LRRC8C: variants seen among roughly 807,000 people sequenced by gnomAD.
LRRC8C encodes the protein volume-regulated anion channel subunit LRRC8C.
LRRC8C carries 20 observed loss-of-function variants against 55.3 expected under a neutral mutation model. That is an observed-to-expected ratio of 0.36 (90% CI 0.25 to 0.53). The LOEUF is 0.53. Ranked by LOEUF, LRRC8C falls within the 20% of genes least tolerant of loss-of-function variation. LRRC8C has a pLI of 0.92. For synonymous variants in LRRC8C, 376 were observed against 360.7 expected (o/e 1.04, Z -0.48); for missense variants, 659 against 951.4 (o/e 0.69, Z 4.04).
At chr1:89,685,150 CCAG>C (rs1303982706) in intron 1 of LRRC8C, among the ~76,000 whole-genome samples, 27 of 148,432 alleles carry the variant, frequency 1.8e-4, no homozygotes, top group East Asian at 5.9e-4. Flanking sequence ...ACTCTGTCGC[CCAG>C]CAGGCCGGAC....
intron 2 of LRRC8C, chr1:89,708,696 T>G (rs1658559927): frequency 6.6e-6 from 1 of 152,274 alleles, no homozygotes; most frequent in Non-Finnish European, 1.5e-5. Context: ...ATTGCAGTGT[T>G]CAGAAATACA....
upstream of LRRC8C, chr1:89,632,133 G>A (rs1656124231): frequency 6.6e-6 from 1 of 152,116 alleles, no homozygotes; most frequent in South Asian, 2.1e-4. Context: ...TAATCTTGTC[G>A]GTACATTTTT....
chr1:89,686,692 GA>G, intron 2 of LRRC8C, 81 bp downstream of exon 2: 1 of 1,494,980 alleles, frequency 6.7e-7, no homozygotes, highest in Non-Finnish European at 9.1e-7. Flanking sequence ...CTGGCTGTGT[GA>G]TTTTTAACCA....
chr1:89,686,549 G>A lies in LRRC8C; in HGVS notation c.76G>A (p.Val26Met), dbSNP rs1268614001. Residue 26 changes from valine to methionine, a missense_variant, in exon 2 of 3, where the codon GTG (valine) becomes ATG (methionine). By Grantham distance (21) the Val-to-Met change is conservative (BLOSUM62 1). Transcript: ENST00000370454. ...CCGAGTGCTGAAGCCATGGTGGGAT[G>A]TGTTTACCGATTACCTCTCAGTAGC... ...AFRVLKPWWD[V>M]FTDYLSVAML... The A allele has an allele frequency of 6.2e-7, 1 of 1,614,096 alleles. No homozygotes were observed. Among genetic ancestry groups the A allele is most frequent in the African/African-American group, 1.3e-5 (1 of 74,934 alleles).
In LRRC8C at chr1:89,711,063, A is replaced by G. The variant is rs1274435201; in HGVS notation, c.139-1646A>G. Among the ~76,000 whole-genome samples, 3 of 152,236 alleles carry G rather than the reference A, an allele frequency of 2.0e-5. No homozygotes were observed. The East Asian group carries it at 5.8e-4, about 29-fold the overall frequency. ...CGGTCAGCTGCATATTAAGCATAACAGAAGTTTGCTGCTGTCATCACTATA... is the reference window on the plus strand; with the variant it reads ...CGGTCAGCTGCATATTAAGCATAACGGAAGTTTGCTGCTGTCATCACTATA... On this transcript the variant is annotated intron_variant, in intron 2 of 2. Coordinates refer to ENST00000370454, the MANE Select transcript of LRRC8C (RefSeq NM_032270.5).
chr1:89,616,861 T>A, the LRRC8C span, among the ~76,000 whole-genome samples: 3 of 152,242 alleles, frequency 2.0e-5, no homozygotes, highest in African/African-American at 7.2e-5. Context: ...TATGAATACC[T>A]ACTCCTCAGG....
At chr1:89,677,679 G>T (rs912604997) in intron 1 of LRRC8C, among the ~76,000 whole-genome samples, 12 of 152,166 alleles carry the variant, frequency 7.9e-5, no homozygotes, top group Admixed American at 5.2e-4. Context: ...ATAAAGTAAG[G>T]GGTCTGGACT....
the LRRC8C span, among the ~76,000 whole-genome samples, chr1:89,618,274 G>C: frequency 6.6e-6 from 1 of 152,160 alleles, no homozygotes; most frequent in Admixed American, 6.5e-5. Flanking sequence ...GGAATGCAGA[G>C]GGTTTTAAAA....
intron 2 of LRRC8C, among the ~76,000 whole-genome samples, chr1:89,699,854 T>A (rs1256680964): frequency 6.6e-6 from 1 of 152,208 alleles, no homozygotes; most frequent in Non-Finnish European, 1.5e-5. Context: ...GCCTTTTCAG[T>A]TCCTTTTCAT....
intron 1 of LRRC8C, among the ~76,000 whole-genome samples, chr1:89,672,538 A>G (rs976635748): frequency 2.0e-5 from 3 of 152,242 alleles, no homozygotes; most frequent in African/African-American, 7.2e-5. Context: ...GCTTTCAAAG[A>G]CACCGCATCT....
At chr1:89,632,696 C>A (rs896450306), upstream of LRRC8C, 2 of 152,366 alleles carry the variant, frequency 1.3e-5, no homozygotes, top group African/African-American at 4.8e-5. Context: ...ACGCTGCGCG[C>A]ACAGCCGCCT....
intron 1 of LRRC8C, among the ~76,000 whole-genome samples, chr1:89,681,741 C>T (rs938341354): frequency 5.9e-5 from 9 of 152,098 alleles, no homozygotes; most frequent in Non-Finnish European, 1.2e-4. Context: ...CAGGTCCCTC[C>T]GATGACACAG....
intron 1 of LRRC8C, among the ~76,000 whole-genome samples, chr1:89,662,982 C>A (rs1042088054): frequency 3.9e-5 from 6 of 152,140 alleles, no homozygotes; most frequent in African/African-American, 1.4e-4. Flanking sequence ...AGCCTCCCAT[C>A]CCCTGACAGG....
At chr1:89,698,899 A>G (rs1046108268) in intron 2 of LRRC8C, among the ~76,000 whole-genome samples, 7 of 152,040 alleles carry the variant, frequency 4.6e-5, no homozygotes, top group Non-Finnish European at 1.5e-5. Flanking sequence ...ACAGTGTGTT[A>G]TTTCCTGGCC....
At chr1:89,623,855 A>G in the LRRC8C span, among the ~76,000 whole-genome samples, 63 of 152,362 alleles carry the variant, frequency 4.1e-4, no homozygotes, top group South Asian at 4.1e-3. Context: ...CACCTAGTAG[A>G]GAGGAAAAAG....
At chr1:89,634,831 T>C (rs1451647839) in intron 1 of LRRC8C, among the ~76,000 whole-genome samples, 1 of 152,200 alleles carries the variant, frequency 6.6e-6, no homozygotes, top group Non-Finnish European at 1.5e-5. Context: ...TGGTTTGCTT[T>C]ACTCTGGAGT....
At chr1:89,654,433 C>T (rs6661282) in intron 1 of LRRC8C, among the ~76,000 whole-genome samples, 77,857 of 152,044 alleles carry the variant, frequency 0.51, 20,743 homozygotes, top group East Asian at 0.79. Flanking sequence ...AGAGAAATGT[C>T]TACTAAACTT....
At chr1:89,673,640 T>C (rs933327110) in intron 1 of LRRC8C, among the ~76,000 whole-genome samples, 3 of 152,250 alleles carry the variant, frequency 2.0e-5, no homozygotes, top group East Asian at 1.9e-4. Flanking sequence ...CTTGTAACTT[T>C]CTTTTTAATT....
intron 1 of LRRC8C, among the ~76,000 whole-genome samples, chr1:89,670,902 A>G (rs896025407): frequency 6.6e-6 from 1 of 152,192 alleles, no homozygotes; most frequent in African/African-American, 2.4e-5. Flanking sequence ...TTAAAAAGCT[A>G]GTTGGTATGC....
Sources: allele counts gnomAD v4.1 joint callset (sites outside exome capture counted in the v4.1 genomes callset), GRCh38; gene constraint gnomAD v4.1.1; transcripts MANE v1.5; gene names NCBI Gene and HGNC (gene_info 2026-07-23, HGNC 2026-07-21).